Variants in AGBL1 observed in about 807,000 individuals in gnomAD.
AGBL1 encodes AGBL carboxypeptidase 1, also known as cytosolic carboxypeptidase 4.
In AGBL1, 130 loss-of-function variants were observed where a neutral mutation model predicts 118.9. That is an observed-to-expected ratio of 1.09 (90% CI 0.95 to 1.26). AGBL1 has a LOEUF of 1.26. Among genes scored for constraint, AGBL1 ranks in the 50% most tolerant of loss-of-function variants. The pLI is 0.00. For synonymous variants in AGBL1, 555 were observed against 478.9 expected (o/e 1.16, Z -2.08); for missense variants, 1,584 against 1,298.1 (o/e 1.22, Z -3.38).
intron 22 of AGBL1, among the ~76,000 whole-genome samples, chr15:86,880,275 T>C (rs2079872397): frequency 2.0e-5 from 3 of 152,236 alleles, no homozygotes; most frequent in Non-Finnish European, 4.4e-5. Context: ...TTCACTCATT[T>C]AGAGGACTCA....
intron 22 of AGBL1, among the ~76,000 whole-genome samples, chr15:86,811,540 G>A (rs1009168657): frequency 6.6e-6 from 1 of 151,978 alleles, no homozygotes; most frequent in Admixed American, 6.6e-5. Context: ...TCTCTTCCTG[G>A]CCCTGTGTAA....
chr15:86,474,449 G>T (rs2082524689), intron 18 of AGBL1, among the ~76,000 whole-genome samples: 1 of 152,208 alleles, frequency 6.6e-6, no homozygotes, highest in African/African-American at 2.4e-5. Flanking sequence ...GGCTCAGAGG[G>T]TCCCACACCC....
intron 22 of AGBL1, among the ~76,000 whole-genome samples, chr15:86,902,680 G>A (rs759974973): frequency 6.6e-6 from 1 of 152,142 alleles, no homozygotes; most frequent in Non-Finnish European, 1.5e-5. Flanking sequence ...TAGTTTTAGA[G>A]TGTTAGGTTG....
At chr15:86,227,515 C>T (rs762455057) in intron 6 of AGBL1, among the ~76,000 whole-genome samples, 32 of 152,226 alleles carry the variant, frequency 2.1e-4, no homozygotes, top group Non-Finnish European at 4.0e-4. Context: ...ACCCACCAGA[C>T]GCCAGTATCA....
At chr15:86,093,386 G>A (rs1016686507) in intron 1 of AGBL1, among the ~76,000 whole-genome samples, 1 of 152,162 alleles carries the variant, frequency 6.6e-6, no homozygotes, top group African/African-American at 2.4e-5. Context: ...GCATTAGAGG[G>A]AGATAAGCTA....
At chr15:86,310,752 A>G (rs114226981) in intron 17 of AGBL1, among the ~76,000 whole-genome samples, 3,027 of 152,210 alleles carry the variant, frequency 0.02, 101 homozygotes, top group African/African-American at 0.062. Context: ...TGGCAAAAGC[A>G]TTTCTATTTG....
intron 9 of AGBL1, among the ~76,000 whole-genome samples, 198 bp downstream of exon 9, chr15:86,258,229 C>T (rs1199478767): frequency 2.0e-5 from 3 of 152,118 alleles, no homozygotes; most frequent in Admixed American, 6.5e-5. Flanking sequence ...TTGGTAGGTC[C>T]GGTACAATGT....
chr15:86,998,511 G>A (rs908133764), intron 24 of AGBL1, among the ~76,000 whole-genome samples: 10 of 152,160 alleles, frequency 6.6e-5, no homozygotes, highest in African/African-American at 1.9e-4. Context: ...CTCAATTGTA[G>A]CCTCTTAAAG....
intron 23 of AGBL1, among the ~76,000 whole-genome samples, chr15:86,968,286 G>C (rs937166764): frequency 2.0e-5 from 3 of 151,670 alleles, no homozygotes; most frequent in African/African-American, 7.3e-5. Flanking sequence ...TTTCATATTT[G>C]AGCCTCAGAT....
chr15:86,751,247 T>G (rs1380886836), intron 22 of AGBL1, among the ~76,000 whole-genome samples: 2 of 152,144 alleles, frequency 1.3e-5, no homozygotes, highest in African/African-American at 4.8e-5. Flanking sequence ...ACCAACAGTG[T>G]GTAAGTGTTC....
At chr15:86,491,950 T>G (rs1013314062) in intron 18 of AGBL1, among the ~76,000 whole-genome samples, 1 of 152,050 alleles carries the variant, frequency 6.6e-6, no homozygotes, top group African/African-American at 2.4e-5. Flanking sequence ...TTCCAGACAC[T>G]GGCCTAATAC....
chr15:86,113,133 C>G (rs1223655931), intron 1 of AGBL1, among the ~76,000 whole-genome samples: 1 of 152,136 alleles, frequency 6.6e-6, no homozygotes, highest in Non-Finnish European at 1.5e-5. Context: ...GCTTCAGCTC[C>G]TAGCTGTTAC....
chr15:86,330,305 G>A (rs1183299481), intron 17 of AGBL1, among the ~76,000 whole-genome samples: 1 of 152,196 alleles, frequency 6.6e-6, no homozygotes, highest in African/African-American at 2.4e-5. Context: ...AGGTGAAACT[G>A]CATGGCCCAA....
chr15:86,448,933 A>G (rs1775666629), intron 18 of AGBL1, among the ~76,000 whole-genome samples: 1 of 152,148 alleles, frequency 6.6e-6, no homozygotes, highest in South Asian at 2.1e-4. Context: ...CTGGCAAGAT[A>G]TTTGTATGGA....
In AGBL1 at chr15:86,860,456, A is replaced by G. The variant is rs1466981218; in HGVS notation, c.3159-46631A>G. Reference sequence around the variant, plus strand: ...ATTTCATATATATATATTTATATTTATATACAATTTCTTCCTCTTTCCTAC... The same window carrying G: ...ATTTCATATATATATATTTATATTTGTATACAATTTCTTCCTCTTTCCTAC... On this transcript the variant is annotated intron_variant, in intron 22 of 22. Transcript: ENST00000614907. 2.0e-5 allele frequency among the ~76,000 whole-genome samples: 3 copies of G among 151,166 alleles called. 1 individual carries two copies. Among genetic ancestry groups the G allele is most frequent in the Admixed American group, 1.3e-4 (2 of 15,158 alleles).
rs193019199 is a variant in AGBL1, at chr15:86,438,400, A to T, written c.2555+40854A>T. On this transcript the variant is annotated intron_variant, in intron 18 of 22. Coordinates refer to ENST00000614907, the MANE Select transcript of AGBL1 (RefSeq NM_001386094.1). ...GGAATACTCTCTTTCTCAGGAATAT[A>T]CTTTATCTCTCTCTCTACTCCTTAA... Among the ~76,000 whole-genome samples, 76 of 152,260 alleles carry T rather than the reference A, an allele frequency of 5.0e-4. 1 individual carries two copies. The highest frequency in any genetic ancestry group is 1.7e-3 in the African/African-American group (71 of 41,548).
chr15:86,651,697 C>T (rs1207837876), intron 21 of AGBL1, among the ~76,000 whole-genome samples: 1 of 152,118 alleles, frequency 6.6e-6, no homozygotes, highest in Non-Finnish European at 1.5e-5. Flanking sequence ...CTTCTTGACC[C>T]CTCCATAGAT....
intron 1 of AGBL1, among the ~76,000 whole-genome samples, chr15:86,121,167 G>A (rs1898074492): frequency 2.0e-5 from 3 of 151,964 alleles, no homozygotes; most frequent in Admixed American, 6.5e-5. Context: ...CAAAGTTCTG[G>A]GATTACAGGT....
At chr15:86,718,393 G>A (rs1809674935) in intron 22 of AGBL1, among the ~76,000 whole-genome samples, 1 of 152,146 alleles carries the variant, frequency 6.6e-6, no homozygotes, top group East Asian at 1.9e-4. Flanking sequence ...TCGTGGGGTG[G>A]GTGTAGGCAG....
Sources: gnomAD v4.1 joint callset for allele counts (sites outside exome capture counted in the v4.1 genomes callset) on GRCh38, gnomAD v4.1.1 for gene constraint, MANE v1.5 for transcripts, NCBI Gene and HGNC (gene_info 2026-07-23, HGNC 2026-07-21) for gene names.